Variants in MALRD1 observed in about 807,000 individuals in gnomAD.
MALRD1 encodes the protein MAM and LDL receptor class A domain containing 1.
MALRD1 carries 247 observed loss-of-function variants against 242.1 expected under a neutral mutation model. The ratio of observed to expected loss-of-function variants is 1.02; its 90% confidence interval spans 0.92 to 1.13. The LOEUF is 1.13. Among genes scored for constraint, MALRD1 ranks in the 50% most tolerant of loss-of-function variants. The pLI is 0.00. For synonymous variants in MALRD1, 995 were observed against 866.6 expected, an observed-to-expected ratio of 1.15 and a Z score of -2.60; for missense variants, 2,989 against 2,533.1, an observed-to-expected ratio of 1.18 and a Z score of -3.86.
chr10:19,133,873 G>A lies in MALRD1; in HGVS notation c.1128G>A (p.Trp376Ter). The A allele has an allele frequency of 8.1e-7, 1 of 1,228,894 alleles. No homozygotes were observed. The highest frequency in any genetic ancestry group is 1.0e-6 in the Non-Finnish European group (1 of 985,834). The allele number at this position is 1,228,894 out of a possible 1,614,324, so 76.1% of individuals were successfully genotyped here. ...AATCAAAGGAAGAAGAAATATTTTG[G>A]ACATACAACATATCAACTCACAGCC... ...LYNNKEEEIF[W>*]TYNISTHSQW... Residue 376 changes from tryptophan to a stop codon, truncating the protein, a stop_gained, in exon 9 of 40, where the codon TGG (tryptophan) becomes TGA (stop). Transcript: ENST00000454679. LOFTEE classifies it high-confidence loss of function.
intron 21 of MALRD1, among the ~76,000 whole-genome samples, chr10:19,306,118 ATC>A (rs1491425589): frequency 3.6e-5 from 4 of 110,406 alleles, no homozygotes; most frequent in Non-Finnish European, 5.2e-5. Flanking sequence ...TATATATACT[ATC>A]TAGTATATAT....
chr10:19,162,474 G>A (rs1049720368), intron 12 of MALRD1, among the ~76,000 whole-genome samples: 2 of 152,128 alleles, frequency 1.3e-5, no homozygotes, highest in Non-Finnish European at 2.9e-5. Context: ...GGAGTTTAAG[G>A]TTTAGTGTTC....
At chr10:19,219,739 A>G (rs1214413747) in intron 18 of MALRD1, among the ~76,000 whole-genome samples, 1 of 152,162 alleles carries the variant, frequency 6.6e-6, no homozygotes, top group African/African-American at 2.4e-5. Context: ...TTCTTTTCTA[A>G]AAGACATTTT....
chr10:19,607,695 T>A, intron 34 of MALRD1, 82 bp from the exon 35 acceptor site: 2 of 1,470,596 alleles, frequency 1.4e-6, no homozygotes, highest in Non-Finnish European at 1.8e-6. Context: ...TAAACTGTTT[T>A]ATGTTATTTT....
At chr10:19,307,253 A>T (rs1842254939) in intron 21 of MALRD1, among the ~76,000 whole-genome samples, 1 of 151,390 alleles carries the variant, frequency 6.6e-6, no homozygotes, top group African/African-American at 2.4e-5. Context: ...GAACCGAAGG[A>T]TTTTCATCTG....
In MALRD1 at chr10:19,559,112, G is replaced by A. The variant is rs139380326; in HGVS notation, c.5479-8390G>A. On this transcript the variant is annotated intron_variant, in intron 32 of 39. Coordinates refer to ENST00000454679, the MANE Select transcript of MALRD1 (RefSeq NM_001142308.3). ...GTGGGAGAATCGCTTGAACCTGGGA[G>A]GCAAAAGTTGCAGTGAGCCGAGATA... Among the ~76,000 whole-genome samples the A allele has an allele frequency of 2.1e-3, 318 of 152,040 alleles. 1 individual carries two copies. Among genetic ancestry groups the A allele is most frequent in the African/African-American group, 7.3e-3 (303 of 41,462 alleles).
intron 14 of MALRD1, among the ~76,000 whole-genome samples, chr10:19,186,679 G>T (rs963624416): frequency 6.6e-6 from 1 of 151,270 alleles, no homozygotes; most frequent in Non-Finnish European, 1.5e-5. Flanking sequence ...TTTTTTTTCC[G>T]TGTCATACTT....
At chr10:19,370,472 A>G (rs1266529890) in intron 26 of MALRD1, among the ~76,000 whole-genome samples, 2 of 152,186 alleles carry the variant, frequency 1.3e-5, no homozygotes, top group African/African-American at 2.4e-5. Flanking sequence ...TTATTTTTTA[A>G]TGTTATCGTT....
At chr10:19,659,662 C>T (rs546972332) in intron 36 of MALRD1, among the ~76,000 whole-genome samples, 1 of 152,220 alleles carries the variant, frequency 6.6e-6, no homozygotes, top group South Asian at 2.1e-4. Context: ...TTCAACTTTT[C>T]AACTTTTTCT....
rs374574312 is a variant in MALRD1, at chr10:19,112,627, G to A, written c.694+8552G>A. Among the ~76,000 whole-genome samples the A allele has an allele frequency of 4.6e-5, 7 of 152,274 alleles. No homozygotes were observed. In the East Asian group the frequency reaches 9.7e-4, roughly 21 times the overall value. On this transcript the variant is annotated intron_variant, in intron 5 of 39. Coordinates refer to ENST00000454679, the MANE Select transcript of MALRD1 (RefSeq NM_001142308.3). ...GCCTGTACATCTCAAATTTTGGGCA[G>A]GAAGAAGGTAGAAATAAGAAGGGGC...
intron 29 of MALRD1, among the ~76,000 whole-genome samples, chr10:19,454,784 G>GTAAA (rs1229605799): frequency 6.6e-6 from 1 of 150,420 alleles, no homozygotes; most frequent in Admixed American, 6.7e-5. Context: ...GTATATATTT[G>GTAAA]GTAGTTATCT....
chr10:19,596,506 G>C (rs533327376), intron 34 of MALRD1, among the ~76,000 whole-genome samples: 1 of 152,186 alleles, frequency 6.6e-6, no homozygotes, highest in Admixed American at 6.5e-5. Context: ...GAGATCGGAG[G>C]ATCCCTTGGG....
At chr10:19,716,099 G>T (rs1834374027) in intron 38 of MALRD1, among the ~76,000 whole-genome samples, 1 of 152,164 alleles carries the variant, frequency 6.6e-6, no homozygotes. Flanking sequence ...TTTAGTGAGG[G>T]CTAGTGTGGG....
chr10:19,458,895 T>C (rs1317368057), intron 29 of MALRD1, among the ~76,000 whole-genome samples: 2 of 150,934 alleles, frequency 1.3e-5, no homozygotes, highest in East Asian at 1.9e-4. Context: ...AGTTGAGTTA[T>C]ATATATATAT....
intron 32 of MALRD1, among the ~76,000 whole-genome samples, chr10:19,536,567 A>G (rs1029243520): frequency 5.3e-4 from 80 of 152,022 alleles, no homozygotes; most frequent in African/African-American, 1.9e-3. Context: ...ATCTCTCTAT[A>G]TTAAACTTCC....
chr10:19,175,364 A>T, intron 14 of MALRD1, 36 bp downstream of exon 14: 1 of 1,221,008 alleles, frequency 8.2e-7, no homozygotes, highest in Non-Finnish European at 1.0e-6. Context: ...TGTTTTAAAC[A>T]TTGAATTAAG....
chr10:19,693,117 C>T (rs1833184468), intron 38 of MALRD1, among the ~76,000 whole-genome samples: 1 of 151,870 alleles, frequency 6.6e-6, no homozygotes, highest in African/African-American at 2.4e-5. Flanking sequence ...CAGCCAATAT[C>T]ATACTGAATG....
At chr10:19,303,465 G>T (rs1332334430) in intron 21 of MALRD1, among the ~76,000 whole-genome samples, 1 of 151,694 alleles carries the variant, frequency 6.6e-6, no homozygotes, top group Non-Finnish European at 1.5e-5. Flanking sequence ...AAGACACTTT[G>T]CAGAGGAGAA....
At chr10:19,338,014 A>T (rs1369031967) in intron 24 of MALRD1, among the ~76,000 whole-genome samples, 1 of 151,618 alleles carries the variant, frequency 6.6e-6, no homozygotes, top group Non-Finnish European at 1.5e-5. Context: ...GTGAGCCAAG[A>T]TCACGCCACT....
Sources: gnomAD v4.1 joint callset for allele counts (sites outside exome capture counted in the v4.1 genomes callset) on GRCh38, gnomAD v4.1.1 for gene constraint, MANE v1.5 for transcripts, NCBI Gene and HGNC (gene_info 2026-07-23, HGNC 2026-07-21) for gene names.